Variants in SLIT3 observed in about 807,000 individuals in gnomAD.
SLIT3 encodes the protein slit guidance ligand 3, also known as slit homolog 3 protein.
Under a neutral mutation model 184.0 loss-of-function variants are expected in SLIT3, and 68 were observed. That is an observed-to-expected ratio of 0.37 (90% CI 0.30 to 0.45). SLIT3 has a LOEUF of 0.45. SLIT3 is among the 20% of genes least tolerant of loss of function. The pLI is 1.00. For synonymous variants in SLIT3, 831 were observed against 828.6 expected, an observed-to-expected ratio of 1.00 and a Z score of -0.05; for missense variants, 1,707 against 2,026.0, an observed-to-expected ratio of 0.84 and a Z score of 3.02.
At chr5:169,215,919 A>G (rs1764420058) in intron 3 of SLIT3, among the ~76,000 whole-genome samples, 1 of 152,124 alleles carries the variant, frequency 6.6e-6, no homozygotes, top group Admixed American at 6.5e-5. Flanking sequence ...TCTTTTAAAC[A>G]TTTTACATTG....
intron 5 of SLIT3, 54 bp from the exon 6 acceptor site, chr5:168,844,709 C>T (rs531926389): frequency 2.1e-5 from 33 of 1,572,404 alleles, no homozygotes; most frequent in Non-Finnish European, 2.5e-5. Flanking sequence ...CGTGAGGGGC[C>T]GGCGGCCCAG....
chr5:169,284,297 G>A (rs964748032), intron 1 of SLIT3, among the ~76,000 whole-genome samples: 3 of 152,140 alleles, frequency 2.0e-5, no homozygotes, highest in East Asian at 3.9e-4. Context: ...GTACTGTCCC[G>A]GGCAGCTTAC....
intron 3 of SLIT3, among the ~76,000 whole-genome samples, chr5:169,199,625 T>C (rs1763852287): frequency 6.6e-6 from 1 of 152,190 alleles, no homozygotes; most frequent in South Asian, 2.1e-4. Flanking sequence ...TGGAGGCCAG[T>C]GCTCTTAGCA....
At chr5:168,674,666 T>C (rs1379129946) in intron 32 of SLIT3, among the ~76,000 whole-genome samples, 1 of 151,764 alleles carries the variant, frequency 6.6e-6, no homozygotes, top group Non-Finnish European at 1.5e-5. Flanking sequence ...TAATTTTATG[T>C]TTTTAGTAGA....
intron 3 of SLIT3, among the ~76,000 whole-genome samples, chr5:169,236,675 T>C (rs1347701039): frequency 6.6e-6 from 1 of 152,128 alleles, no homozygotes; most frequent in Non-Finnish European, 1.5e-5. Context: ...TTTCGCCATG[T>C]TAGCCAGGAT....
chr5:168,714,455 C>T (rs868755967), intron 23 of SLIT3, among the ~76,000 whole-genome samples: 19 of 152,036 alleles, frequency 1.2e-4, no homozygotes, highest in Middle Eastern at 3.2e-3. Context: ...TGGTGGTGGG[C>T]GCCTGTAATC....
At chr5:168,888,679 C>G (rs878893779) in intron 4 of SLIT3, among the ~76,000 whole-genome samples, 2 of 152,150 alleles carry the variant, frequency 1.3e-5, no homozygotes, top group Admixed American at 1.3e-4. Flanking sequence ...TCCCTCTGCA[C>G]TGAGACCAAT....
At chr5:168,735,762 AT>A (rs968230929) in intron 20 of SLIT3, among the ~76,000 whole-genome samples, 3 of 150,816 alleles carry the variant, frequency 2.0e-5, no homozygotes, top group African/African-American at 7.3e-5. Flanking sequence ...CTTGCTGTTC[AT>A]TCTCTTCTTC....
intron 3 of SLIT3, among the ~76,000 whole-genome samples, chr5:169,200,951 A>C (rs549721745): frequency 6.6e-6 from 1 of 152,356 alleles, no homozygotes; most frequent in Non-Finnish European, 1.5e-5. Context: ...AATGGCTTAC[A>C]GACTCAATAC....
intron 4 of SLIT3, among the ~76,000 whole-genome samples, chr5:168,910,405 C>T (rs370890456): frequency 4.6e-5 from 7 of 152,184 alleles, no homozygotes; most frequent in African/African-American, 1.7e-4. Context: ...TTTACACACT[C>T]GCACACACAC....
At chr5:168,934,810 G>A (rs916351081) in intron 4 of SLIT3, among the ~76,000 whole-genome samples, 2 of 151,812 alleles carry the variant, frequency 1.3e-5, no homozygotes, top group African/African-American at 4.8e-5. Flanking sequence ...AATGCTTTAT[G>A]CATGTTACCT....
chr5:169,292,033 T>C (rs991583123), intron 1 of SLIT3, among the ~76,000 whole-genome samples: 1 of 152,224 alleles, frequency 6.6e-6, no homozygotes, highest in Non-Finnish European at 1.5e-5. Flanking sequence ...TGATGGTTGT[T>C]GTTGTCGTTT....
intron 4 of SLIT3, among the ~76,000 whole-genome samples, chr5:169,038,853 C>T (rs1757348701): frequency 6.6e-6 from 1 of 152,104 alleles, no homozygotes; most frequent in African/African-American, 2.4e-5. Context: ...TTCCTACCTC[C>T]ACCTCCAAGC....
chr5:169,276,669 C>T (rs1445144173), intron 1 of SLIT3, among the ~76,000 whole-genome samples: 1 of 152,184 alleles, frequency 6.6e-6, no homozygotes, highest in African/African-American at 2.4e-5. Context: ...CCACAGTTGC[C>T]ATGGTAGTAA....
intron 4 of SLIT3, among the ~76,000 whole-genome samples, chr5:169,062,856 G>A (rs1050026564): frequency 7.9e-5 from 12 of 152,158 alleles, no homozygotes; most frequent in Admixed American, 5.2e-4. Context: ...TCTCAAAGTA[G>A]CTGGGGAAGA....
intron 3 of SLIT3, among the ~76,000 whole-genome samples, chr5:169,202,049 T>C (rs1273700521): frequency 2.6e-5 from 4 of 152,052 alleles, no homozygotes; most frequent in Non-Finnish European, 5.9e-5. Context: ...CTGGGAAATA[T>C]AGTGAAACCT....
At chr5:169,248,283 C>T (rs1765665561) in intron 2 of SLIT3, among the ~76,000 whole-genome samples, 1 of 152,036 alleles carries the variant, frequency 6.6e-6, no homozygotes. Context: ...CCTCATTTGC[C>T]CTCTTTTCTG....
intron 4 of SLIT3, among the ~76,000 whole-genome samples, chr5:168,905,249 A>G (rs1761009991): frequency 6.6e-6 from 1 of 152,098 alleles, no homozygotes; most frequent in Admixed American, 6.5e-5. Context: ...GCACCATAAG[A>G]GCATAATCCC....
intron 14 of SLIT3, among the ~76,000 whole-genome samples, chr5:168,767,182 T>C (rs55876106): frequency 0.2 from 30,548 of 152,122 alleles, 3,208 homozygotes; most frequent in African/African-American, 0.25. Flanking sequence ...TACTAAGCAA[T>C]GGTTGGGCTC....
Sources: gnomAD v4.1 joint callset for allele counts (sites outside exome capture counted in the v4.1 genomes callset) on GRCh38, gnomAD v4.1.1 for gene constraint, MANE v1.5 for transcripts, NCBI Gene and HGNC (gene_info 2026-07-23, HGNC 2026-07-21) for gene names.